Variants in ULK4 observed in about 807,000 individuals in gnomAD.
ULK4 encodes the protein inactive serine/threonine-protein kinase ULK4.
ULK4 carries 133 observed loss-of-function variants against 160.6 expected under a neutral mutation model. The ratio of observed to expected loss-of-function variants is 0.83; its 90% CI spans 0.72 to 0.96. ULK4 has a LOEUF of 0.96. Ranked by LOEUF, ULK4 falls within the 40% of genes least tolerant of loss-of-function variation. The pLI, the probability that ULK4 is intolerant of heterozygous loss-of-function variation, is 0.00. For missense variants in ULK4, 1,580 were observed against 1,499.5 expected (o/e 1.05, Z -0.89); for synonymous variants, 534 against 539.8 (o/e 0.99, Z 0.15).
intron 25 of ULK4, among the ~76,000 whole-genome samples, chr3:41,711,412 G>GA (rs2037092587): frequency 6.6e-6 from 1 of 151,956 alleles, no homozygotes; most frequent in Non-Finnish European, 1.5e-5. Context: ...AACAGGGGCT[G>GA]AAAAAAAGCT....
At chr3:41,945,130 G>A (rs1700076103) in intron 2 of ULK4, among the ~76,000 whole-genome samples, 1 of 152,142 alleles carries the variant, frequency 6.6e-6, no homozygotes, top group Admixed American at 6.5e-5. Flanking sequence ...GTCTCCATCA[G>A]AACATTAAGG....
chr3:41,309,869 A>G (rs967714385), intron 35 of ULK4, among the ~76,000 whole-genome samples: 1 of 151,316 alleles, frequency 6.6e-6, no homozygotes. Context: ...TGGTAAATAT[A>G]TGGGTAAATC....
chr3:41,757,205 C>T (rs1559530601), intron 21 of ULK4, among the ~76,000 whole-genome samples: 1 of 152,092 alleles, frequency 6.6e-6, no homozygotes, highest in Non-Finnish European at 1.5e-5. Context: ...TGGAATATCA[C>T]ATTAACCAAG....
At chr3:41,697,587 A>C (rs373194388) in intron 27 of ULK4, among the ~76,000 whole-genome samples, 162 of 152,290 alleles carry the variant, frequency 1.1e-3, no homozygotes, top group African/African-American at 3.8e-3. Context: ...AGAATTTAAT[A>C]CTGAAGAAAG....
intron 32 of ULK4, among the ~76,000 whole-genome samples, chr3:41,477,951 T>C (rs2084196421): frequency 6.6e-6 from 1 of 152,248 alleles, no homozygotes; most frequent in African/African-American, 2.4e-5. Context: ...CTCACCTAGG[T>C]TGGCATAAGT....
At chr3:41,894,118 C>T (rs1308386334) in intron 16 of ULK4, among the ~76,000 whole-genome samples, 9 of 152,120 alleles carry the variant, frequency 5.9e-5, no homozygotes, top group African/African-American at 2.2e-4. Context: ...AACCAATCTC[C>T]GGGCTGATAC....
At chr3:41,715,084 C>A (rs955456982) in intron 25 of ULK4, among the ~76,000 whole-genome samples, 153 bp downstream of exon 25, 5 of 152,050 alleles carry the variant, frequency 3.3e-5, no homozygotes, top group African/African-American at 1.2e-4. Context: ...AATTTTATTA[C>A]AGTCAACAGA....
intron 27 of ULK4, 104 bp downstream of exon 27, chr3:41,704,953 G>A: frequency 1.3e-6 from 1 of 789,718 alleles, no homozygotes; most frequent in Non-Finnish European, 1.9e-6. Context: ...GTTATTTCAT[G>A]TGAGGAACAC....
At chr3:41,335,308 T>A (rs890476569) in intron 35 of ULK4, among the ~76,000 whole-genome samples, 2 of 152,206 alleles carry the variant, frequency 1.3e-5, no homozygotes, top group African/African-American at 2.4e-5. Flanking sequence ...TTGTAAAGAA[T>A]CACATTTCAT....
At chr3:41,288,115 T>C (rs1330142953) in intron 35 of ULK4, among the ~76,000 whole-genome samples, 2 of 152,166 alleles carry the variant, frequency 1.3e-5, no homozygotes, top group East Asian at 3.9e-4. Flanking sequence ...TCAGTTTGAG[T>C]CTAGTTATTC....
chr3:41,285,359 G>C (rs954794093), intron 35 of ULK4, among the ~76,000 whole-genome samples: 2 of 152,138 alleles, frequency 1.3e-5, no homozygotes, highest in Admixed American at 6.5e-5. Context: ...CAATCAACGA[G>C]TGGATAAAGA....
At chr3:41,788,971 T>A (rs549915510) in intron 21 of ULK4, among the ~76,000 whole-genome samples, 2 of 152,276 alleles carry the variant, frequency 1.3e-5, no homozygotes, top group African/African-American at 4.8e-5. Flanking sequence ...GAGATCTCAC[T>A]AAAATGTAGA....
In ULK4 at chr3:41,536,925, C is replaced by T. The variant is rs548009163; in HGVS notation, c.3226+29100G>A. ...GTACCAATCCTTCTTCCACCATTTG[C>T]TTTAGTTTCAGTGCCCATATAAAAA... On this transcript the variant is annotated intron_variant, in intron 32 of 36. Coordinates refer to ENST00000301831, the MANE Select transcript of ULK4 (RefSeq NM_017886.4). Among the ~76,000 whole-genome samples, 24 of 152,278 alleles carry T rather than the reference C, an allele frequency of 1.6e-4. No individual in the cohort carries two copies. In the East Asian group the frequency reaches 2.7e-3, roughly 17 times the overall value.
In ULK4 at chr3:41,671,829, G is replaced by T. The variant is rs1054840979; in HGVS notation, c.2979-8130C>A. On this transcript the variant is annotated intron_variant, in intron 29 of 36. Coordinates refer to ENST00000301831, the MANE Select transcript of ULK4 (RefSeq NM_017886.4). The stretch of plus-strand genomic sequence containing the variant: ...ATTTGCAAACTACACAACCAAGAGG[G>T]GAACTAATATCCAGAATATATAAGG... 2.6e-5 allele frequency among the ~76,000 whole-genome samples: 4 copies of T among 151,684 alleles called. No homozygotes were observed. The East Asian group carries it at 7.7e-4, about 29-fold the overall frequency.
At chr3:41,269,978 ATAAAG>A (rs2079111037) in intron 35 of ULK4, among the ~76,000 whole-genome samples, 1 of 152,192 alleles carries the variant, frequency 6.6e-6, no homozygotes, top group African/African-American at 2.4e-5. Context: ...TGCGAAAATT[ATAAAG>A]TAGACTGTTT....
At chr3:41,341,908 T>C (rs1453743047) in intron 35 of ULK4, among the ~76,000 whole-genome samples, 3 of 152,218 alleles carry the variant, frequency 2.0e-5, no homozygotes, top group African/African-American at 7.2e-5. Context: ...GAAGCATCTA[T>C]AAAATGGTCT....
intron 17 of ULK4, among the ~76,000 whole-genome samples, chr3:41,839,616 AACT>A (rs1202400395): frequency 6.6e-6 from 1 of 151,854 alleles, no homozygotes; most frequent in Non-Finnish European, 1.5e-5. Context: ...AAAAAAAACT[AACT>A]ATCACAACTC....
chr3:41,918,032 T>G (rs1371364123), intron 7 of ULK4, among the ~76,000 whole-genome samples: 1 of 124,496 alleles, frequency 8.0e-6, no homozygotes, highest in Non-Finnish European at 1.8e-5. Context: ...AATAAATAAA[T>G]AAAGATTTTT....
intron 35 of ULK4, among the ~76,000 whole-genome samples, chr3:41,326,707 C>G (rs1446212951): frequency 6.6e-6 from 1 of 152,174 alleles, no homozygotes; most frequent in African/African-American, 2.4e-5. Context: ...TTCTTCCTCT[C>G]TGTCTCACTT....
Sources: allele counts gnomAD v4.1 joint callset (sites outside exome capture counted in the v4.1 genomes callset), GRCh38; gene constraint gnomAD v4.1.1; transcripts MANE v1.5; gene names NCBI Gene and HGNC (gene_info 2026-07-23, HGNC 2026-07-21).